CDH13: variants seen among roughly 807,000 people sequenced by gnomAD.
The protein encoded by CDH13 is cadherin 13, also known as cadherin-13.
CDH13 carries 24 observed loss-of-function variants against 63.8 expected under a neutral mutation model. That is an observed-to-expected ratio of 0.38 (90% CI 0.27 to 0.53). The LOEUF (loss-of-function observed/expected upper bound fraction) is 0.53, where lower values mean the gene tolerates loss of function less well. Ranked by LOEUF, CDH13 falls within the 20% of genes least tolerant of loss-of-function variation. The probability of loss-of-function intolerance (pLI) is 0.85; values close to 1 mark genes in which losing one functional copy is unlikely to be tolerated. For missense variants in CDH13, 1,049 were observed against 903.1 expected (o/e 1.16, Z -2.07); for synonymous variants, 503 against 355.3 (o/e 1.42, Z -4.67).
chr16:82,884,906 T>C (rs932013301), intron 2 of CDH13, among the ~76,000 whole-genome samples: 1 of 152,244 alleles, frequency 6.6e-6, no homozygotes, highest in Non-Finnish European at 1.5e-5. Flanking sequence ...TTTTATTTTC[T>C]AGCCAGCTAC....
intron 7 of CDH13, among the ~76,000 whole-genome samples, chr16:83,561,426 CAAAA>C (rs5818456): frequency 5.3e-5 from 6 of 114,142 alleles, no homozygotes; most frequent in Admixed American, 8.9e-5. Flanking sequence ...AACACCATCT[CAAAA>C]AAAAAAAAAA....
chr16:83,773,575 C>T (rs377048537), intron 11 of CDH13, among the ~76,000 whole-genome samples: 45 of 152,284 alleles, frequency 3.0e-4, no homozygotes, highest in African/African-American at 1.1e-3. Context: ...ATGATCCAAT[C>T]ATCTCCCTCC....
At chr16:83,761,566 C>T (rs1457570645) in intron 11 of CDH13, among the ~76,000 whole-genome samples, 2 of 152,186 alleles carry the variant, frequency 1.3e-5, no homozygotes, top group Non-Finnish European at 2.9e-5. Flanking sequence ...TGGTTACACT[C>T]GGCATTTGCC....
chr16:83,763,408 AT>A (rs68090335), intron 11 of CDH13, among the ~76,000 whole-genome samples: 1 of 136,286 alleles, frequency 7.3e-6, no homozygotes, highest in Non-Finnish European at 1.7e-5. Flanking sequence ...GCTTAGATTG[AT>A]TTTTTTTAAA....
intron 2 of CDH13, among the ~76,000 whole-genome samples, chr16:82,980,281 C>A (rs1292854628): frequency 6.6e-6 from 1 of 152,144 alleles, no homozygotes; most frequent in East Asian, 1.9e-4. Context: ...TCCCTGCCTT[C>A]CCTCTGTAAT....
intron 3 of CDH13, among the ~76,000 whole-genome samples, chr16:83,038,513 C>T (rs935642554): frequency 6.6e-6 from 1 of 152,150 alleles, no homozygotes; most frequent in Non-Finnish European, 1.5e-5. Context: ...CAAAAGGGCT[C>T]TCCTGTCTGT....
intron 6 of CDH13, among the ~76,000 whole-genome samples, chr16:83,355,774 G>A (rs1243006523): frequency 6.6e-6 from 1 of 152,116 alleles, no homozygotes; most frequent in Admixed American, 6.6e-5. Flanking sequence ...TGTTACACAG[G>A]GGAACGTCAG....
intron 8 of CDH13, among the ~76,000 whole-genome samples, chr16:83,659,784 C>T (rs1434138635): frequency 7.5e-6 from 1 of 134,156 alleles, no homozygotes; most frequent in Admixed American, 7.7e-5. Context: ...CAGTCCACAA[C>T]CTTTTTTTTT....
At position 83,216,429 on chromosome 16, in the gene CDH13, T is replaced by TATATATATATATATATATAA. The variant is rs1282063080; in HGVS notation, c.484-901_484-900insTATAAATATATATATATATA. ...ATATATATATATATATATATATATA[T>TATATATATATATATATATAA]ATATATATATATATACACAACCCTA... is the stretch of plus-strand genomic sequence containing the variant. On this transcript the variant is annotated intron_variant, in intron 4 of 13. Transcript: ENST00000567109. Among the ~76,000 whole-genome samples the TATATATATATATATATATAA allele has an allele frequency of 1.0e-3, 108 of 105,680 alleles. 4 individuals are homozygous for TATATATATATATATATATAA. The highest frequency in any genetic ancestry group is 5.8e-3 in the Middle Eastern group (1 of 172). The allele number at this position is 105,680 out of a possible 152,430, so 69.3% of individuals were successfully genotyped here.
At chr16:82,873,858 A>G (rs2040420904) in intron 2 of CDH13, among the ~76,000 whole-genome samples, 1 of 151,968 alleles carries the variant, frequency 6.6e-6, no homozygotes, top group Non-Finnish European at 1.5e-5. Context: ...TTTTCTTCCT[A>G]CTTCTTCTGA....
At chr16:83,477,417 G>T (rs1445376361) in intron 6 of CDH13, among the ~76,000 whole-genome samples, 4 of 152,194 alleles carry the variant, frequency 2.6e-5, no homozygotes, top group African/African-American at 4.8e-5. Context: ...GTTTTTAAAT[G>T]AAGTCAGCAA....
intron 1 of CDH13, among the ~76,000 whole-genome samples, chr16:82,628,414 G>C (rs528449260): frequency 6.6e-6 from 1 of 152,274 alleles, no homozygotes; most frequent in East Asian, 1.9e-4. Flanking sequence ...GGTAGGGACT[G>C]TCTGGGATGG....
At chr16:83,483,855 T>TA (rs2073828097) in intron 6 of CDH13, among the ~76,000 whole-genome samples, 2 of 152,344 alleles carry the variant, frequency 1.3e-5, no homozygotes, top group Admixed American at 6.5e-5. Flanking sequence ...AGTGGCTGCC[T>TA]AGACCACTGT....
chr16:83,116,422 A>AT (rs2035297650), intron 3 of CDH13, among the ~76,000 whole-genome samples: 1 of 152,164 alleles, frequency 6.6e-6, no homozygotes, highest in South Asian at 2.1e-4. Context: ...TCCCCTGAGC[A>AT]TGGTCCCACC....
intron 1 of CDH13, among the ~76,000 whole-genome samples, chr16:82,772,357 T>C (rs745743137): frequency 6.6e-6 from 1 of 152,096 alleles, no homozygotes; most frequent in Admixed American, 6.6e-5. Context: ...CTAGGGGATG[T>C]GGATGGTGCA....
intron 2 of CDH13, among the ~76,000 whole-genome samples, chr16:82,882,748 T>C (rs1007554484): frequency 6.6e-6 from 1 of 150,882 alleles, no homozygotes; most frequent in Non-Finnish European, 1.5e-5. Flanking sequence ...CAAAATCTGG[T>C]ATTTAATTTT....
intron 9 of CDH13, among the ~76,000 whole-genome samples, chr16:83,672,409 C>CTTTTTTTTTTTTTTTTTTTTTT (rs34156503): frequency 2.8e-5 from 1 of 35,108 alleles, no homozygotes. Context: ...TCTGGATTCT[C>CTTTTTTTTTTTTTTTTTTTTTT]TTTTTTTTTT....
chr16:83,068,848 T>G (rs1309274668), intron 3 of CDH13, among the ~76,000 whole-genome samples: 1 of 152,178 alleles, frequency 6.6e-6, no homozygotes, highest in Non-Finnish European at 1.5e-5. Context: ...GCCCCCTTGT[T>G]GTTCAATTTC....
At chr16:83,318,487 G>A (rs1353498425) in intron 5 of CDH13, among the ~76,000 whole-genome samples, 1 of 152,194 alleles carries the variant, frequency 6.6e-6, no homozygotes, top group Non-Finnish European at 1.5e-5. Flanking sequence ...TCTAAGGTTT[G>A]ATTTGAATGA....
Sources: gnomAD v4.1 joint callset for allele counts (sites outside exome capture counted in the v4.1 genomes callset) on GRCh38, gnomAD v4.1.1 for gene constraint, MANE v1.5 for transcripts, NCBI Gene and HGNC (gene_info 2026-07-23, HGNC 2026-07-21) for gene names.